Variants in ZNF875 observed in about 807,000 individuals in gnomAD.
The protein encoded by ZNF875 is zinc finger protein 875.
Under a neutral mutation model 11.2 loss-of-function variants are expected in ZNF875, and 14 were observed. The ratio of observed to expected loss-of-function variants is 1.26; its 90% CI spans 0.83 to 1.96. The LOEUF (loss-of-function observed/expected upper bound fraction) is 1.96, where lower values mean the gene tolerates loss of function less well. ZNF875 is among the 30% of genes most tolerant of loss of function. The pLI is 0.00. For synonymous variants in ZNF875, 301 were observed against 281.1 expected (o/e 1.07, Z -0.71); for missense variants, 752 against 760.4 (o/e 0.99, Z 0.13).
upstream of ZNF875, among the ~76,000 whole-genome samples, chr19:37,331,740 C>T (rs2033425638): frequency 6.8e-6 from 1 of 146,890 alleles, no homozygotes; most frequent in Admixed American, 6.9e-5. Flanking sequence ...AGGTTTCTCC[C>T]CATGTGATAG....
Position 37,334,671 on chromosome 19 carries a change from G to T in ZNF875, c.-168G>T. 1 of 456,036 alleles carries T rather than the reference G, an allele frequency of 2.2e-6. No homozygotes were observed. Among genetic ancestry groups the T allele is most frequent in the African/African-American group, 2.0e-5 (1 of 50,178 alleles). The allele number at this position is 456,036 out of a possible 1,614,324, so 28.2% of individuals were successfully genotyped here. A position where few individuals can be genotyped will look rare whatever the true frequency, so the allele number is the denominator to read the frequency against. The stretch of plus-strand genomic sequence containing the variant: ...AACACTTCCGGTCGGTGGCCCAGGC[G>T]CGTTAAGCTGGTTGGGACCCGGGAA... On this transcript the variant is annotated 5_prime_UTR_variant, in exon 1 of 5. Transcript: ENST00000392153.
intron 2 of ZNF875, among the ~76,000 whole-genome samples, chr19:37,344,260 T>A (rs376966797): frequency 3.9e-5 from 6 of 152,178 alleles, no homozygotes; most frequent in African/African-American, 1.2e-4. Flanking sequence ...ACTGAGTAGT[T>A]GTTAAACTTT....
At position 37,362,488 on chromosome 19, in the gene ZNF875, C is replaced by T; in HGVS notation, c.636C>T (p.Asp212=). 7 of 1,614,148 alleles carry T rather than the reference C, an allele frequency of 4.3e-6. No homozygotes were observed. The highest frequency in any genetic ancestry group is 5.9e-6 in the Non-Finnish European group (7 of 1,180,020). The change falls in exon 5 of 5, where the codon GAC becomes GAT. Residue 212 remains aspartate (D), a synonymous_variant. Transcript: ENST00000392153. ...PERRADLEET[D]KVLHGLEVSG... Reference sequence around the variant, plus strand: ...GGAGGGCAGATCTAGAGGAAACAGACAAAGTATTGCATGGTTTAGAAGTCT... The same window carrying T: ...GGAGGGCAGATCTAGAGGAAACAGATAAAGTATTGCATGGTTTAGAAGTCT...
intron 4 of ZNF875, among the ~76,000 whole-genome samples, chr19:37,360,499 A>T (rs1407732753): frequency 1.3e-5 from 2 of 152,260 alleles, no homozygotes; most frequent in African/African-American, 2.4e-5. Context: ...TACCATGATT[A>T]TGTTGAATCT....
chr19:37,340,990 A>G (rs1363906540), intron 2 of ZNF875, among the ~76,000 whole-genome samples: 1 of 152,128 alleles, frequency 6.6e-6, no homozygotes, highest in Non-Finnish European at 1.5e-5. Context: ...TTATCCACTC[A>G]GCTGAAAAAA....
intron 1 of ZNF875, among the ~76,000 whole-genome samples, chr19:37,319,224 T>C (rs1408218595): frequency 6.6e-6 from 1 of 151,048 alleles, no homozygotes; most frequent in East Asian, 2.0e-4. Context: ...TTTTGTATTT[T>C]TAGTAGAGAT....
chr19:37,341,234 A>G (rs1474101389), intron 2 of ZNF875, among the ~76,000 whole-genome samples: 1 of 152,202 alleles, frequency 6.6e-6, no homozygotes, highest in Non-Finnish European at 1.5e-5. Flanking sequence ...ATAATGAACA[A>G]TCCTAAACAT....
At chr19:37,335,305 C>G in intron 2 of ZNF875, 48 bp downstream of exon 2, 1 of 673,826 alleles carries the variant, frequency 1.5e-6, no homozygotes, top group Non-Finnish European at 2.7e-6. Context: ...GAATGGGTCC[C>G]ATTACCTTTT....
At chr19:37,321,210 G>A (rs915175458) in intron 1 of ZNF875, among the ~76,000 whole-genome samples, 2 of 152,010 alleles carry the variant, frequency 1.3e-5, no homozygotes, top group Non-Finnish European at 2.9e-5. Flanking sequence ...ACCTGTAAAG[G>A]GTCCGTGGTG....
chr19:37,364,062 G>A lies in ZNF875; in HGVS notation c.*287G>A, dbSNP rs2040425405. 2.6e-6 allele frequency: 1 copy of A among 384,548 alleles called. No homozygotes were observed. Among genetic ancestry groups the A allele is most frequent in the Non-Finnish European group, 4.7e-6 (1 of 212,508 alleles). The allele number at this position is 384,548 out of a possible 1,614,324, so 23.8% of individuals were successfully genotyped here. The stretch of plus-strand genomic sequence containing the variant: ...TGATAGTGGCAGGAGGCAGTCAAAT[G>A]CCCAGGCAGATAGGGGTGGGTACCT... On this transcript the variant is annotated 3_prime_UTR_variant, in exon 5 of 5. Coordinates refer to ENST00000392153, the MANE Select transcript of ZNF875 (RefSeq NM_001353803.2).
At chr19:37,346,079 A>T (rs2036701967) in intron 2 of ZNF875, among the ~76,000 whole-genome samples, 1 of 152,196 alleles carries the variant, frequency 6.6e-6, no homozygotes. Context: ...CTGATGTCTT[A>T]GTGGGAAGTC....
At chr19:37,356,965 A>G (rs2039016023) in intron 4 of ZNF875, among the ~76,000 whole-genome samples, 1 of 152,156 alleles carries the variant, frequency 6.6e-6, no homozygotes, top group Non-Finnish European at 1.5e-5. Flanking sequence ...GAGGTCTTAC[A>G]TTTAAGTCTT....
At chr19:37,358,122 A>T (rs1157295442) in intron 4 of ZNF875, 6 of 255,884 alleles carry the variant, frequency 2.3e-5, no homozygotes, top group South Asian at 1.9e-4. Context: ...TTTTACATCT[A>T]TTAAGATGAT....
intron 1 of ZNF875, 191 bp from the exon 2 acceptor site, chr19:37,334,978 C>T: frequency 1.9e-6 from 1 of 519,140 alleles, no homozygotes. Context: ...GCTTCACTCC[C>T]TGTCCCGAGC....
intron 2 of ZNF875, among the ~76,000 whole-genome samples, chr19:37,343,503 G>A (rs1181713343): frequency 1.3e-5 from 2 of 152,054 alleles, no homozygotes; most frequent in Non-Finnish European, 2.9e-5. Flanking sequence ...GTAGTTAGCT[G>A]GCTGCTCAGC....
upstream of ZNF875, among the ~76,000 whole-genome samples, chr19:37,329,847 C>T (rs1358237635): frequency 6.6e-6 from 1 of 152,104 alleles, no homozygotes; most frequent in Non-Finnish European, 1.5e-5. Flanking sequence ...CTCTGGCCAG[C>T]TCAGGCTGGA....
At chr19:37,334,928 G>A (rs1448823810) in intron 1 of ZNF875, 146 bp downstream of exon 1, 1 of 457,998 alleles carries the variant, frequency 2.2e-6, no homozygotes, top group Non-Finnish European at 4.1e-6. Context: ...GAGCCCACAG[G>A]GTTAGAGATA....
chr19:37,316,006 C>T (rs1012608679), upstream of ZNF875, among the ~76,000 whole-genome samples: 1 of 152,152 alleles, frequency 6.6e-6, no homozygotes, highest in African/African-American at 2.4e-5. Flanking sequence ...ATCCCTGATA[C>T]TCAGGCACCA....
upstream of ZNF875, among the ~76,000 whole-genome samples, chr19:37,331,080 G>A (rs570997813): frequency 3.3e-5 from 5 of 151,536 alleles, no homozygotes; most frequent in African/African-American, 4.8e-5. Context: ...CCAGCTACTC[G>A]GGAGGCTGAG....
Sources: allele counts gnomAD v4.1 joint callset (sites outside exome capture counted in the v4.1 genomes callset), GRCh38; gene constraint gnomAD v4.1.1; transcripts MANE v1.5; gene names NCBI Gene and HGNC (gene_info 2026-07-23, HGNC 2026-07-21).